VWA8: variants seen among roughly 807,000 people sequenced by gnomAD.
The protein encoded by VWA8 is von Willebrand factor A domain containing 8.
Under a neutral mutation model 241.5 loss-of-function variants are expected in VWA8, and 221 were observed. The ratio of observed to expected loss-of-function variants is 0.91; its 90% CI spans 0.82 to 1.02. VWA8 has a LOEUF of 1.02. Ranked by LOEUF, VWA8 falls within the 50% of genes least tolerant of loss-of-function variation. VWA8 has a pLI of 0.00. For synonymous variants in VWA8, 852 were observed against 827.1 expected (o/e 1.03, Z -0.52); for missense variants, 2,322 against 2,328.7 (o/e 1.00, Z 0.06).
At chr13:41,866,129 C>G (rs1873289010) in intron 10 of VWA8, 93 bp from the exon 11 acceptor site, 1 of 1,514,706 alleles carries the variant, frequency 6.6e-7, no homozygotes, top group Admixed American at 2.0e-5. Flanking sequence ...AGGCAGATCA[C>G]TTGAGGTTAG....
intron 35 of VWA8, among the ~76,000 whole-genome samples, chr13:41,683,716 A>G (rs1190074810): frequency 2.0e-5 from 3 of 152,182 alleles, no homozygotes; most frequent in Non-Finnish European, 4.4e-5. Flanking sequence ...GCAACATTTC[A>G]GTGTACGATG....
chr13:41,709,672 TGACTCTTCCCCAGGGCA>T (rs2045303842), intron 26 of VWA8, among the ~76,000 whole-genome samples: 1 of 152,170 alleles, frequency 6.6e-6, no homozygotes, highest in African/African-American at 2.4e-5. Flanking sequence ...CTATCTTCAC[TGACTCTTCCCCAGGGCA>T]GATGGCTGCA....
chr13:41,863,412 T>A (rs1873104782), intron 12 of VWA8, among the ~76,000 whole-genome samples: 2 of 73,588 alleles, frequency 2.7e-5, no homozygotes, highest in Admixed American at 1.3e-4. Context: ...TGTGTGTGTG[T>A]GTGTGTGTGT....
chr13:41,600,656 C>T (rs9566806), intron 40 of VWA8, among the ~76,000 whole-genome samples: 10,463 of 152,118 alleles, frequency 0.069, 491 homozygotes, highest in East Asian at 0.15. Flanking sequence ...CTTTAAACAT[C>T]GTGCTTGATA....
chr13:41,609,377 T>C (rs1197635418), intron 39 of VWA8, among the ~76,000 whole-genome samples: 5 of 152,184 alleles, frequency 3.3e-5, no homozygotes, highest in South Asian at 4.1e-4. Context: ...AATAATAGTA[T>C]TGTGAGTTTG....
At chr13:41,667,723 G>C (rs1405198869) in intron 37 of VWA8, among the ~76,000 whole-genome samples, 1 of 152,154 alleles carries the variant, frequency 6.6e-6, no homozygotes, top group East Asian at 1.9e-4. Flanking sequence ...ATGTAACTAA[G>C]TATGAATAAT....
intron 29 of VWA8, among the ~76,000 whole-genome samples, chr13:41,695,596 T>G (rs1275032215): frequency 2.0e-5 from 3 of 152,168 alleles, no homozygotes; most frequent in Non-Finnish European, 2.9e-5. Flanking sequence ...CAGAGGTATA[T>G]TGTAAAATAA....
intron 4 of VWA8, among the ~76,000 whole-genome samples, chr13:41,894,931 C>T (rs191117617): frequency 1.3e-5 from 2 of 151,652 alleles, no homozygotes; most frequent in Non-Finnish European, 2.9e-5. Flanking sequence ...AATAATTGGC[C>T]ATGAGGAGGA....
chr13:41,641,975 T>C (rs533852465), intron 37 of VWA8, among the ~76,000 whole-genome samples: 28 of 152,338 alleles, frequency 1.8e-4, no homozygotes, highest in African/African-American at 6.5e-4. Flanking sequence ...GTCGGTCATA[T>C]GTCTTGCTGT....
At chr13:41,572,797 T>TAAA (rs869088660) in intron 43 of VWA8, among the ~76,000 whole-genome samples, 2,124 of 67,530 alleles carry the variant, frequency 0.031, 35 homozygotes, top group African/African-American at 0.051. Context: ...CAATAAATAC[T>TAAA]AAAAAAAAAA....
chr13:41,673,861 T>C (rs1195737585), intron 36 of VWA8, among the ~76,000 whole-genome samples: 1 of 152,142 alleles, frequency 6.6e-6, no homozygotes, highest in Non-Finnish European at 1.5e-5. Context: ...CCATGGCAGG[T>C]ATAACATGTG....
At chr13:41,905,507 A>AT (rs1184136381) in intron 4 of VWA8, among the ~76,000 whole-genome samples, 3 of 152,054 alleles carry the variant, frequency 2.0e-5, no homozygotes, top group Non-Finnish European at 4.4e-5. Flanking sequence ...AAAATTTTTA[A>AT]TTTGCATTTT....
rs2044267700 is a variant in VWA8 at position 41,567,301 on chromosome 13, C to A, written c.*896G>T. On this transcript the variant is annotated 3_prime_UTR_variant, in exon 45 of 45. Coordinates refer to ENST00000379310, the MANE Select transcript of VWA8 (RefSeq NM_015058.2). The stretch of plus-strand genomic sequence containing the variant: ...CCAATCACCATTCACTTCAAATATA[C>A]CACCTTGATTTTACTTTTTTTACTT... 6.6e-6 allele frequency: 1 copy of A among 152,152 alleles called. No homozygotes were observed. Among genetic ancestry groups the A allele is most frequent in the African/African-American group, 2.4e-5 (1 of 41,436 alleles). 9.4% of individuals were successfully genotyped at this position (152,152 alleles called of 1,614,324 possible). A position where few individuals can be genotyped will look rare whatever the true frequency, so the allele number is the denominator to read the frequency against.
intron 9 of VWA8, among the ~76,000 whole-genome samples, chr13:41,872,223 T>C (rs567540737): frequency 1.3e-4 from 20 of 152,340 alleles, no homozygotes; most frequent in Middle Eastern, 3.4e-3. Flanking sequence ...GTCAGATGAA[T>C]AGGTTGTGAA....
At chr13:41,823,552 C>G (rs1403152902) in intron 14 of VWA8, among the ~76,000 whole-genome samples, 1 of 152,150 alleles carries the variant, frequency 6.6e-6, no homozygotes, top group East Asian at 1.9e-4. Flanking sequence ...TATACTCCCC[C>G]TTTCCCTAAA....
chr13:41,606,609 T>C (rs1375900018), intron 39 of VWA8, among the ~76,000 whole-genome samples: 1 of 152,168 alleles, frequency 6.6e-6, no homozygotes, highest in Non-Finnish European at 1.5e-5. Flanking sequence ...TCTTATCTAA[T>C]GTGTATTTTT....
chr13:41,630,262 C>G (rs1280886781), intron 37 of VWA8, among the ~76,000 whole-genome samples: 1 of 146,482 alleles, frequency 6.8e-6, no homozygotes, highest in African/African-American at 2.8e-5. Flanking sequence ...GGTTTCTTTC[C>G]TTTTCAAATC....
At chr13:41,768,905 T>C (rs2045798503) in intron 20 of VWA8, among the ~76,000 whole-genome samples, 1 of 48,226 alleles carries the variant, frequency 2.1e-5, no homozygotes, top group African/African-American at 6.6e-5. Flanking sequence ...AACAATGCCT[T>C]TTTTTTTTTT....
intron 42 of VWA8, among the ~76,000 whole-genome samples, chr13:41,576,860 A>G (rs1015242261): frequency 5.3e-5 from 8 of 152,264 alleles, no homozygotes; most frequent in African/African-American, 1.9e-4. Flanking sequence ...CCCCTGGCCC[A>G]TAGCCCATAC....
Sources: gnomAD v4.1 joint callset for allele counts (sites outside exome capture counted in the v4.1 genomes callset) on GRCh38, gnomAD v4.1.1 for gene constraint, MANE v1.5 for transcripts, NCBI Gene and HGNC (gene_info 2026-07-23, HGNC 2026-07-21) for gene names.